Variants in PRKCE observed in about 807,000 individuals in gnomAD.
The protein encoded by PRKCE is protein kinase C epsilon type.
A neutral mutation model predicts 85.4 loss-of-function variants in PRKCE; 16 were observed. The ratio of observed to expected loss-of-function variants is 0.19; its 90% confidence interval spans 0.13 to 0.28. The LOEUF is 0.28. PRKCE is among the 10% of genes least tolerant of loss of function. PRKCE has a pLI of 1.00. For synonymous variants in PRKCE, 388 were observed against 371.5 expected, an observed-to-expected ratio of 1.04 and a Z score of -0.51; for missense variants, 573 against 975.2, an observed-to-expected ratio of 0.59 and a Z score of 5.49.
intron 1 of PRKCE, among the ~76,000 whole-genome samples, chr2:45,839,429 G>A (rs1691166976): frequency 6.6e-6 from 1 of 152,184 alleles, no homozygotes; most frequent in South Asian, 2.1e-4. Flanking sequence ...TAGTAGCTGG[G>A]AAGATGTGTT....
At position 46,159,929 on chromosome 2, in the gene PRKCE, A is replaced by G. The variant is rs959116813; in HGVS notation, c.2067+177A>G. The G allele has an allele frequency of 2.0e-5, 14 of 688,782 alleles. No individual in the cohort carries two copies. The highest frequency in any genetic ancestry group is 1.5e-4 in the African/African-American group (8 of 53,584). 42.7% of individuals were successfully genotyped at this position (688,782 alleles called of 1,614,324 possible). ...TGTCTTTAGGCCCCAAGTGTTTACT[A>G]TTGAAAACATGTAACCTACTACAGC... On this transcript the variant is annotated intron_variant, in intron 14 of 14. Coordinates refer to ENST00000306156, the MANE Select transcript of PRKCE (RefSeq NM_005400.3). The surrounding 1 kb of genome is among the most constrained non-coding windows in gnomAD (Gnocchi z 4.1).
intron 2 of PRKCE, among the ~76,000 whole-genome samples, chr2:45,887,289 G>A (rs192008388): frequency 3.9e-5 from 6 of 152,190 alleles, no homozygotes; most frequent in East Asian, 1.9e-4. Context: ...AATAGATAGC[G>A]ATCTGTGTCT....
chr2:45,839,336 G>C (rs1334345289), intron 1 of PRKCE, among the ~76,000 whole-genome samples: 1 of 151,412 alleles, frequency 6.6e-6, no homozygotes, highest in East Asian at 2.0e-4. Flanking sequence ...CCCCCAGTTT[G>C]ACTGCCTTGC....
At chr2:46,076,630 C>G (rs1574407131) in intron 10 of PRKCE, among the ~76,000 whole-genome samples, 1 of 152,084 alleles carries the variant, frequency 6.6e-6, no homozygotes, top group Non-Finnish European at 1.5e-5. Flanking sequence ...TTTTTACTTT[C>G]TCAACCAGCA....
In PRKCE at chr2:45,831,028, A is replaced by G. The variant is rs1423172670; in HGVS notation, c.349-11972A>G. ...CAGTGCTACAGTTGTGCAGCAGACCAGAGAGCGTCAGCTCAGATCAGGGAG... is the reference window on the plus strand; with the variant it reads ...CAGTGCTACAGTTGTGCAGCAGACCGGAGAGCGTCAGCTCAGATCAGGGAG... On this transcript the variant is annotated intron_variant, in intron 1 of 14. Transcript: ENST00000306156. 2.0e-5 allele frequency among the ~76,000 whole-genome samples: 3 copies of G among 152,268 alleles called. No individual in the cohort carries two copies. The East Asian group carries it at 5.8e-4, about 29-fold the overall frequency.
chr2:45,923,902 A>T (rs1308018469), intron 2 of PRKCE, among the ~76,000 whole-genome samples: 2 of 152,234 alleles, frequency 1.3e-5, no homozygotes, highest in Non-Finnish European at 2.9e-5. Flanking sequence ...TGGAGAAACC[A>T]CACTGGCCAG....
At chr2:45,877,158 GTA>G (rs1254159848) in intron 2 of PRKCE, among the ~76,000 whole-genome samples, 1 of 152,060 alleles carries the variant, frequency 6.6e-6, no homozygotes, top group Non-Finnish European at 1.5e-5. Flanking sequence ...CACCTTAAAG[GTA>G]ACATTCCACT....
chr2:45,814,056 C>A (rs1688844574), intron 1 of PRKCE, among the ~76,000 whole-genome samples: 1 of 152,160 alleles, frequency 6.6e-6, no homozygotes. Context: ...CCCTCCCCCT[C>A]CCGCACAGAG....
chr2:45,655,869 AAAG>A (rs1675356033), intron 1 of PRKCE, among the ~76,000 whole-genome samples: 1 of 140,424 alleles, frequency 7.1e-6, no homozygotes. Context: ...AAAAAAAAAA[AAAG>A]GTAGGGAGAA....
chr2:46,017,017 C>CT (rs1483090258), intron 10 of PRKCE, among the ~76,000 whole-genome samples: 2 of 21,712 alleles, frequency 9.2e-5, no homozygotes, highest in Admixed American at 7.8e-4. Context: ...TGGTTATTCA[C>CT]TCCCCCTTTT....
chr2:45,882,609 T>C (rs537513372), intron 2 of PRKCE, among the ~76,000 whole-genome samples: 2 of 152,324 alleles, frequency 1.3e-5, no homozygotes, highest in East Asian at 3.9e-4. Context: ...TTCTTTATGG[T>C]GATATTTGAG....
rs529762680 is a variant in PRKCE at position 46,004,140 on chromosome 2, A to T, written c.967-402A>T. 3.7e-4 allele frequency: 107 copies of T among 292,084 alleles called. No individual in the cohort carries two copies. Among genetic ancestry groups the T allele is most frequent in the African/African-American group, 2.3e-3 (104 of 45,516 alleles). 18.1% of individuals were successfully genotyped at this position (292,084 alleles called of 1,614,324 possible). On this transcript the variant is annotated intron_variant, in intron 7 of 14. Coordinates refer to ENST00000306156, the MANE Select transcript of PRKCE (RefSeq NM_005400.3). This position sits in a 1 kb window ranked among gnomAD's most constrained non-coding sequence, Gnocchi z 4.1. The stretch of plus-strand genomic sequence containing the variant: ...TTCCTGCTGTACCCGTCCAATGTAG[A>T]TGATGTATTTCTTCCTGTAAACCTG...
rs1371924075 is a variant in PRKCE, at chr2:46,002,566, C to T, written c.966+1020C>T. Reference sequence around the variant, plus strand: ...AGGGTTCTTATTTTCTTAAACTTCTCCTACCCTGTTTTCTCAATAAGCAAA... The same window carrying T: ...AGGGTTCTTATTTTCTTAAACTTCTTCTACCCTGTTTTCTCAATAAGCAAA... On this transcript the variant is annotated intron_variant, in intron 7 of 14. Transcript: ENST00000306156. Among the ~76,000 whole-genome samples the T allele has an allele frequency of 2.0e-5, 3 of 152,348 alleles. No individual in the cohort carries two copies. The East Asian group carries it at 5.8e-4, about 29-fold the overall frequency.
intron 2 of PRKCE, among the ~76,000 whole-genome samples, chr2:45,947,615 T>C (rs886795899): frequency 1.3e-5 from 2 of 152,248 alleles, no homozygotes; most frequent in African/African-American, 4.8e-5. Context: ...ATCTGATCTT[T>C]GGCAGCTTGG....
Position 46,033,550 on chromosome 2 carries a change from G to T in PRKCE, c.1437+23033G>T, listed in dbSNP as rs572643102. On this transcript the variant is annotated intron_variant, in intron 10 of 14. Transcript: ENST00000306156. ...GGATCTGCATTTTAAAATGCAAGGTGGTTATTGGCCACGCTTTGAGAAATA... is the reference window on the plus strand; with the variant it reads ...GGATCTGCATTTTAAAATGCAAGGTTGTTATTGGCCACGCTTTGAGAAATA... Among the ~76,000 whole-genome samples, 14 of 152,320 alleles carry T rather than the reference G, an allele frequency of 9.2e-5. No individual in the cohort carries two copies. In the East Asian group the frequency reaches 2.7e-3, roughly 29 times the overall value.
intron 2 of PRKCE, among the ~76,000 whole-genome samples, chr2:45,865,657 C>T (rs1180383974): frequency 1.3e-5 from 2 of 152,122 alleles, no homozygotes; most frequent in Non-Finnish European, 2.9e-5. Flanking sequence ...AGCCTGCTTG[C>T]CTTTCCAACA....
intron 1 of PRKCE, among the ~76,000 whole-genome samples, chr2:45,686,930 T>C (rs574496508): frequency 2.0e-5 from 3 of 152,214 alleles, no homozygotes; most frequent in South Asian, 2.1e-4. Context: ...AAAACAAAAA[T>C]TGGATCTATA....
chr2:45,704,638 G>T (rs576186610), intron 1 of PRKCE, among the ~76,000 whole-genome samples: 1 of 152,064 alleles, frequency 6.6e-6, no homozygotes. Context: ...AGTGAGCATC[G>T]CCACGCCAGT....
intron 1 of PRKCE, among the ~76,000 whole-genome samples, chr2:45,778,809 C>T (rs998133164): frequency 2.0e-5 from 3 of 152,158 alleles, no homozygotes; most frequent in African/African-American, 7.2e-5. Context: ...AAGGTGTGAC[C>T]TTCGGAGCTC....
Sources: allele counts gnomAD v4.1 joint callset (sites outside exome capture counted in the v4.1 genomes callset), GRCh38; gene constraint gnomAD v4.1.1; non-coding constraint Gnocchi (gnomAD v3.1); transcripts MANE v1.5; gene names NCBI Gene and HGNC (gene_info 2026-07-23, HGNC 2026-07-21).